The following F11 variants were observed in gnomAD, a reference collection of about 807,000 sequenced individuals.
F11 encodes the protein coagulation factor XI, also known as coagualtion factor XI.
A neutral mutation model predicts 76.5 loss-of-function variants in F11; 78 were observed. The ratio of observed to expected loss-of-function variants is 1.02; its 90% CI spans 0.85 to 1.23. The LOEUF is 1.23. Ranked by LOEUF, F11 falls within the 50% of genes most tolerant of loss-of-function variation. F11 has a pLI of 0.00. For synonymous variants in F11, 278 were observed against 276.3 expected (o/e 1.01, Z -0.06); for missense variants, 742 against 771.4 (o/e 0.96, Z 0.45).
In F11 at chr4:186,271,667, C is replaced by T. The variant is rs1580070133; in HGVS notation, c.114C>T (p.Val38=). Residue 38 remains valine, a synonymous_variant, in exon 3 of 15, where the codon GTC becomes GTT. Transcript: ENST00000403665. ...TCFEGGDITT[V]FTPSAKYCQV... is the part of the protein sequence containing the mutation. ...TTGAAGGAGGGGACATTACTACGGTCTTCACACCAAGCGCCAAGTACTGCC... is the reference window on the plus strand; with the variant it reads ...TTGAAGGAGGGGACATTACTACGGTTTTCACACCAAGCGCCAAGTACTGCC... 2.5e-6 allele frequency: 4 copies of T among 1,614,186 alleles called. No individual in the cohort carries two copies. The highest frequency in any genetic ancestry group is 3.4e-6 in the Non-Finnish European group (4 of 1,180,020).
rs142064053 is a variant in F11, at chr4:186,275,930, C to T, written c.595+34C>T. The T allele has an allele frequency of 4.3e-4, 641 of 1,477,378 alleles. 1 individual carries two copies. In the African/African-American group the frequency reaches 7.8e-3, roughly 18 times the overall value. 91.5% of individuals were successfully genotyped at this position (1,477,378 alleles called of 1,614,324 possible). ...CGACTTCTTGATGATGTAATTCAAC[C>T]ATTAAATATGCTGATGATTACAGTA... On this transcript the variant is annotated intron_variant, in intron 6 of 14. Transcript: ENST00000403665.
intron 7 of F11, among the ~76,000 whole-genome samples, chr4:186,279,358 G>T (rs564498384): frequency 6.6e-6 from 1 of 151,884 alleles, no homozygotes; most frequent in South Asian, 2.1e-4. Context: ...CTCCAGCCTG[G>T]GTGACAAGAG....
Position 186,283,925 on chromosome 4 carries a change from T to C in F11, c.1136-167T>C, listed in dbSNP as rs546104787. The C allele has an allele frequency of 1.3e-5, 6 of 459,260 alleles. No individual in the cohort carries two copies. In the South Asian group the frequency reaches 5.5e-4, roughly 42 times the overall value. 28.4% of individuals were successfully genotyped at this position (459,260 alleles called of 1,614,324 possible). A position where few individuals can be genotyped will look rare whatever the true frequency, so the allele number is the denominator to read the frequency against. On this transcript the variant is annotated intron_variant, in intron 10 of 14. Transcript: ENST00000403665. ...CAAGATGACTTAGTCAATTCCATTT[T>C]TCATGTGCATGTTTTGCTTTGGCAG...
At chr4:186,276,107 A>C (rs1740353790) in intron 6 of F11, 124 bp from the exon 7 acceptor site, 1 of 1,194,716 alleles carries the variant, frequency 8.4e-7, no homozygotes, top group African/African-American at 1.5e-5. Flanking sequence ...CTTCTAAATA[A>C]AAAAAAATTA....
rs1196995723 is a variant in F11, at chr4:186,275,707, G to A, written c.486-80G>A. ...GGGTCTCGCAGGTCCTCTCTCCAAA[G>A]GGGACTTTCTTAATATCTCATGTTT... On this transcript the variant is annotated intron_variant, in intron 5 of 14. Transcript: ENST00000403665. 3.8e-6 allele frequency: 4 copies of A among 1,065,398 alleles called. No homozygotes were observed. In the African/African-American group the frequency reaches 4.7e-5, roughly 13 times the overall value. 66.0% of individuals were successfully genotyped at this position (1,065,398 alleles called of 1,614,324 possible). A position where few individuals can be genotyped will look rare whatever the true frequency, so the allele number is the denominator to read the frequency against.
At chr4:186,286,639 A>T (rs1741228076) in intron 13 of F11, 129 bp downstream of exon 13, 1 of 1,509,664 alleles carries the variant, frequency 6.6e-7, no homozygotes, top group South Asian at 1.2e-5. Context: ...GGATTAATAA[A>T]GATGGAGAGG....
chr4:186,283,127 C>T (rs1740916951), intron 10 of F11: 3 of 798,160 alleles, frequency 3.8e-6, no homozygotes, highest in Non-Finnish European at 3.0e-6. Flanking sequence ...AGGACCCACA[C>T]AGATGTTACT....
intron 2 of F11, among the ~76,000 whole-genome samples, chr4:186,270,862 A>ATTTTTTTTT (rs34930947): frequency 1.4e-5 from 2 of 138,306 alleles, no homozygotes; most frequent in Non-Finnish European, 3.1e-5. Context: ...CCCAGCTAGT[A>ATTTTTTTTT]TTTTTTTTTT....
rs202082605 is a variant in F11, at chr4:186,274,294, A to T, written c.485+19A>T. On this transcript the variant is annotated intron_variant, in intron 5 of 14. Transcript: ENST00000403665. The stretch of plus-strand genomic sequence containing the variant: ...AGCATCGGTGAGTGAGTCCCAGGAC[A>T]TTCGAGTGGTCGATGAAAAACAGAA... 12 of 1,614,128 alleles carry T rather than the reference A, an allele frequency of 7.4e-6. No individual in the cohort carries two copies. Among genetic ancestry groups the T allele is most frequent in the African/African-American group, 1.3e-5 (1 of 74,946 alleles).
intron 3 of F11, 113 bp downstream of exon 3, chr4:186,271,884 A>C (rs2126721579): frequency 1.6e-6 from 2 of 1,228,384 alleles, no homozygotes; most frequent in South Asian, 2.5e-5. Context: ...CTGGAAGATA[A>C]ATTGTCTTTC....
chr4:186,286,349 G>A, intron 12 of F11, 66 bp from the exon 13 acceptor site: 2 of 1,334,716 alleles, frequency 1.5e-6, no homozygotes, highest in Non-Finnish European at 2.2e-6. Context: ...AGTGGAAGAA[G>A]AGTCTCTTCT....
At chr4:186,279,895 A>G in intron 7 of F11, 117 bp from the exon 8 acceptor site, 1 of 811,382 alleles carries the variant, frequency 1.2e-6, no homozygotes, top group Non-Finnish European at 2.1e-6. Flanking sequence ...CTTTCAAAAT[A>G]GGAAAATCTT....
chr4:186,269,152 G>A (rs1426255185), intron 2 of F11, among the ~76,000 whole-genome samples: 1 of 152,154 alleles, frequency 6.6e-6, no homozygotes, highest in Non-Finnish European at 1.5e-5. Flanking sequence ...ATTAAAGGAT[G>A]ATTACATTGT....
chr4:186,274,411 T>G (rs1740218860), intron 5 of F11, 136 bp downstream of exon 5: 5 of 1,099,498 alleles, frequency 4.5e-6, no homozygotes, highest in Non-Finnish European at 6.7e-6. Context: ...ACTCCTAGTT[T>G]TCTTCATGAA....
chr4:186,289,131 G>T lies in F11; in HGVS notation c.*517G>T, dbSNP rs912019922. ...AATGGCAGATTTTCAGAATAGTCAG[G>T]AATTCTTGTCATTTCCATTTTAAAA... On this transcript the variant is annotated 3_prime_UTR_variant, in exon 15 of 15. Coordinates refer to ENST00000403665, the MANE Select transcript of F11 (RefSeq NM_000128.4). 6.3e-6 allele frequency: 1 copy of T among 158,716 alleles called. No individual in the cohort carries two copies. The highest frequency in any genetic ancestry group is 6.0e-5 in the Admixed American group (1 of 16,656). 9.8% of individuals were successfully genotyped at this position (158,716 alleles called of 1,614,324 possible).
At chr4:186,272,663 G>A (rs1740065999) in intron 3 of F11, among the ~76,000 whole-genome samples, 1 of 152,154 alleles carries the variant, frequency 6.6e-6, no homozygotes, top group Non-Finnish European at 1.5e-5. Context: ...TAATAACGCA[G>A]AGTAAATATG....
Position 186,287,762 on chromosome 4 carries a change from A to G in F11, c.1655A>G (p.His552Arg), listed in dbSNP as rs369935706. ...GAGTGCCAGAAGAGATACAGAGGAC[A>G]TAAAATAACCCATAAGATGATCTGT... ...NEECQKRYRG[H>R]KITHKMICAG... Residue 552 changes from histidine (H) to arginine (R), a missense_variant, in exon 14 of 15, where the codon CAT (histidine) becomes CGT (arginine). Physicochemically the swap from His to Arg is conservative, Grantham distance 29. Coordinates refer to ENST00000403665, the MANE Select transcript of F11 (RefSeq NM_000128.4). The G allele has an allele frequency of 9.3e-6, 15 of 1,613,724 alleles. No homozygotes were observed. Among genetic ancestry groups the G allele is most frequent in the Admixed American group, 3.3e-5 (2 of 59,992 alleles).
At position 186,288,757 on chromosome 4, in the gene F11, AAACT is replaced by A. The variant is rs1294293334; in HGVS notation, c.*144_*147del. The A allele has an allele frequency of 1.1e-6, 1 of 907,672 alleles. No individual in the cohort carries two copies. Among genetic ancestry groups the A allele is most frequent in the Non-Finnish European group, 1.7e-6 (1 of 572,098 alleles). 56.2% of individuals were successfully genotyped at this position (907,672 alleles called of 1,614,324 possible). On this transcript the variant is annotated 3_prime_UTR_variant, in exon 15 of 15. Transcript: ENST00000403665. ...TTGTAAGAAAATGCTAGAAGAAAAC[AAACT>A]GTCACAAGTTGTTATGTCCAAAACT...
chr4:186,282,420 G>C (rs1044093323), intron 10 of F11: 96 of 985,256 alleles, frequency 9.7e-5, no homozygotes, highest in Non-Finnish European at 1.1e-4. Flanking sequence ...TAATGTGAAA[G>C]GGAATAGCTG....
Sources: gnomAD v4.1 joint callset for allele counts (sites outside exome capture counted in the v4.1 genomes callset) on GRCh38, gnomAD v4.1.1 for gene constraint, MANE v1.5 for transcripts, NCBI Gene and HGNC (gene_info 2026-07-23, HGNC 2026-07-21) for gene names.